The following ONECUT1 variants were observed in gnomAD, a reference collection of about 807,000 sequenced individuals.
ONECUT1 encodes one cut homeobox 1.
A neutral mutation model predicts 25.6 loss-of-function variants in ONECUT1; 12 were observed. The ratio of observed to expected loss-of-function variants is 0.47; its 90% CI spans 0.30 to 0.76. The LOEUF (loss-of-function observed/expected upper bound fraction) is 0.76. ONECUT1 is among the 30% of genes least tolerant of loss of function. The pLI is 0.07. For missense variants in ONECUT1, 620 were observed against 651.2 expected, an observed-to-expected ratio of 0.95 and a Z score of 0.52; for synonymous variants, 285 against 270.2, an observed-to-expected ratio of 1.05 and a Z score of -0.54.
chr15:52,780,718 T>A, intron 1 of ONECUT1: 1 of 1,505,570 alleles, frequency 6.6e-7, no homozygotes. Context: ...TTCGCTCGTT[T>A]GTTTATTTAA....
intron 1 of ONECUT1, among the ~76,000 whole-genome samples, chr15:52,774,577 G>C (rs944596453): frequency 5.9e-5 from 9 of 152,118 alleles, no homozygotes; most frequent in African/African-American, 1.9e-4. Flanking sequence ...TGGGATAACA[G>C]GCGTGAGCCA....
intron 1 of ONECUT1, chr15:52,780,742 T>C (rs2083835756): frequency 6.7e-7 from 1 of 1,497,866 alleles, no homozygotes; most frequent in Admixed American, 2.3e-5. Context: ...TCCCCATTGA[T>C]CTGTTTTAGA....
chr15:52,770,645 T>A (rs1483055709), intron 1 of ONECUT1, among the ~76,000 whole-genome samples: 2 of 152,184 alleles, frequency 1.3e-5, no homozygotes, highest in Admixed American at 6.5e-5. Flanking sequence ...ATACCTACTG[T>A]CTCTGAGAGT....
chr15:52,789,138 C>T lies in ONECUT1; in HGVS notation c.747G>A (p.Pro249=). 6.3e-7 allele frequency: 1 copy of T among 1,598,148 alleles called. No individual in the cohort carries two copies. Among genetic ancestry groups the T allele is most frequent in the Non-Finnish European group, 8.5e-7 (1 of 1,177,834 alleles). Residue 249 remains proline (P), a synonymous_variant, in exon 1 of 2, where the codon CCG becomes CCA. Coordinates refer to ENST00000305901, the MANE Select transcript of ONECUT1 (RefSeq NM_004498.4). This position sits in a 1 kb window ranked among gnomAD's most constrained non-coding sequence, Gnocchi z 4.1. ...AGMVPINGLP[P]HHPHAHLNAQ... Reference sequence around the variant, plus strand: ...CGTTCAGGTGGGCGTGGGGATGGTGCGGAGGAAGGCCGTTGATGGGCACCA... The same window carrying T: ...CGTTCAGGTGGGCGTGGGGATGGTGTGGAGGAAGGCCGTTGATGGGCACCA...
intron 1 of ONECUT1, among the ~76,000 whole-genome samples, chr15:52,758,706 C>G (rs1334065680): frequency 6.6e-6 from 1 of 152,124 alleles, no homozygotes; most frequent in Non-Finnish European, 1.5e-5. Context: ...TATGAAGCTG[C>G]TTTTTGGCTG....
chr15:52,770,554 G>C (rs562247281), intron 1 of ONECUT1, among the ~76,000 whole-genome samples: 3 of 152,156 alleles, frequency 2.0e-5, no homozygotes, highest in Non-Finnish European at 4.4e-5. Context: ...CTCCAGTAAA[G>C]GTGTGGCCCA....
chr15:52,785,524 T>C (rs1440049398), intron 1 of ONECUT1, among the ~76,000 whole-genome samples: 1 of 152,176 alleles, frequency 6.6e-6, no homozygotes, highest in South Asian at 2.1e-4. Context: ...GCGCGCCGCC[T>C]TCCCCTGGGT....
chr15:52,789,239 T>C lies in ONECUT1; in HGVS notation c.646A>G (p.Asn216Asp). 3.2e-6 allele frequency: 5 copies of C among 1,553,258 alleles called. No homozygotes were observed. The highest frequency in any genetic ancestry group is 4.3e-6 in the Non-Finnish European group (5 of 1,151,414). The change falls in exon 1 of 2, where the codon AAC (asparagine) becomes GAC (aspartate). Residue 216 changes from asparagine (N) to aspartate (D), a missense_variant. By Grantham distance (23) the Asn-to-Asp change is conservative (BLOSUM62 1). Around this residue, in one of 4 missense-constraint regions of ONECUT1, gnomAD observed 440 missense variants for 404.9 expected, o/e 1.09. Coordinates refer to ENST00000305901, the MANE Select transcript of ONECUT1 (RefSeq NM_004498.4). This position sits in a 1 kb window ranked among gnomAD's most constrained non-coding sequence, Gnocchi z 4.1. ...AMPTDKMLTP[N>D]GFEAHHPAML... ...GCCGGGTGGTGGGCTTCGAAGCCGTTGGGGGTGAGCATCTTGTCGGTGGGC... is the reference window on the plus strand; with the variant it reads ...GCCGGGTGGTGGGCTTCGAAGCCGTCGGGGGTGAGCATCTTGTCGGTGGGC...
intron 1 of ONECUT1, among the ~76,000 whole-genome samples, chr15:52,774,335 T>C (rs2083786591): frequency 1.3e-5 from 2 of 149,800 alleles, no homozygotes; most frequent in African/African-American, 2.5e-5. Flanking sequence ...AGTTTCGCTC[T>C]TGTTGCCCAA....
rs768547844 is a variant in ONECUT1, at chr15:52,757,669, A to G, written c.1284T>C (p.Thr428=). Residue 428 remains threonine, a synonymous_variant, in exon 2 of 2, where the codon ACT becomes ACC. Transcript: ENST00000305901. ...ISQQLGLELS[T]VSNFFMNARR... Reference sequence around the variant, plus strand: ...TTGCGTTCATGAAGAAGTTGCTGACAGTGCTCAGCTCCAACCCCAGCTGCT... The same window carrying G: ...TTGCGTTCATGAAGAAGTTGCTGACGGTGCTCAGCTCCAACCCCAGCTGCT... 11 of 1,614,046 alleles carry G rather than the reference A, an allele frequency of 6.8e-6. No individual in the cohort carries two copies. The highest frequency in any genetic ancestry group is 1.7e-5 in the Admixed American group (1 of 59,994).
chr15:52,777,732 A>G (rs1267155699), intron 1 of ONECUT1, among the ~76,000 whole-genome samples: 2 of 128,544 alleles, frequency 1.6e-5, no homozygotes, highest in Admixed American at 7.1e-5. Flanking sequence ...ACACACACAC[A>G]CACACAAAAA....
Position 52,789,866 on chromosome 15 carries a change from T to C in ONECUT1, c.19A>G (p.Met7Val), listed in dbSNP as rs368055279. ...CCGTGCAGCTCGCCGATCGCTTCCATGGTCAGCTGCGCGTTCATCGTGATC... is the reference window on the plus strand; with the variant it reads ...CCGTGCAGCTCGCCGATCGCTTCCACGGTCAGCTGCGCGTTCATCGTGATC... MNAQLT[M>V]EAIGELHGVS... Residue 7 changes from methionine (M) to valine (V), a missense_variant, in exon 1 of 2, where the codon ATG becomes GTG. Met to Val is a conservative substitution (Grantham distance 21, BLOSUM62 1). Around this residue, in one of 4 missense-constraint regions of ONECUT1, gnomAD observed 440 missense variants for 404.9 expected, o/e 1.09. Transcript: ENST00000305901. This position sits in a 1 kb window ranked among gnomAD's most constrained non-coding sequence, Gnocchi z 4.1. 30 of 1,542,918 alleles carry C rather than the reference T, an allele frequency of 1.9e-5. No homozygotes were observed. Among genetic ancestry groups the C allele is most frequent in the African/African-American group, 1.6e-4 (11 of 70,236 alleles).
At chr15:52,777,733 C>CAAAAAAAAA (rs1402130601) in intron 1 of ONECUT1, among the ~76,000 whole-genome samples, 60 of 85,240 alleles carry the variant, frequency 7.0e-4, no homozygotes, top group South Asian at 1.9e-3. Context: ...CACACACACA[C>CAAAAAAAAA]ACACAAAAAA....
chr15:52,783,487 C>T (rs2083853873), intron 1 of ONECUT1, among the ~76,000 whole-genome samples: 1 of 152,232 alleles, frequency 6.6e-6, no homozygotes, highest in East Asian at 1.9e-4. Context: ...GACCAGGCGT[C>T]AGGGCGGTGG....
chr15:52,758,284 C>A (rs2083686049), intron 1 of ONECUT1, among the ~76,000 whole-genome samples: 2 of 152,294 alleles, frequency 1.3e-5, no homozygotes, highest in African/African-American at 4.8e-5. Context: ...AAATGCAACA[C>A]CTTGTCAGCA....
intron 1 of ONECUT1, among the ~76,000 whole-genome samples, chr15:52,772,392 TAAAA>T (rs67977580): frequency 8.7e-6 from 1 of 114,764 alleles, no homozygotes; most frequent in African/African-American, 3.2e-5. Flanking sequence ...AGACTCCATC[TAAAA>T]AAAAAAAAAA....
chr15:52,760,172 C>T (rs1441264541), intron 1 of ONECUT1, among the ~76,000 whole-genome samples: 2 of 152,138 alleles, frequency 1.3e-5, no homozygotes, highest in African/African-American at 2.4e-5. Flanking sequence ...CCATGAGGGG[C>T]GGCATCAACC....
chr15:52,767,501 T>C (rs2083741602), intron 1 of ONECUT1, among the ~76,000 whole-genome samples: 1 of 152,190 alleles, frequency 6.6e-6, no homozygotes, highest in Non-Finnish European at 1.5e-5. Context: ...TGCACACACT[T>C]TCCTGAGCAC....
chr15:52,786,377 A>G (rs2141464966), intron 1 of ONECUT1, among the ~76,000 whole-genome samples: 1 of 152,366 alleles, frequency 6.6e-6, no homozygotes, highest in South Asian at 2.1e-4. Context: ...TTAAGGAAAC[A>G]AAAATGTAAT....
Sources: allele counts gnomAD v4.1 joint callset (sites outside exome capture counted in the v4.1 genomes callset), GRCh38; gene constraint gnomAD v4.1.1; regional missense constraint gnomAD v4.1.1; non-coding constraint Gnocchi (gnomAD v3.1); transcripts MANE v1.5; gene names NCBI Gene and HGNC (gene_info 2026-07-23, HGNC 2026-07-21).